The following EMC2 variants were observed in gnomAD, a reference collection of about 807,000 sequenced individuals.
The protein encoded by EMC2 is TPR repeat protein 35.
EMC2 carries 37 observed loss-of-function variants against 51.6 expected under a neutral mutation model. The observed-to-expected ratio is 0.72, with a 90% confidence interval of 0.55 to 0.94. EMC2 has a LOEUF of 0.94. Ranked by LOEUF, EMC2 falls within the 40% of genes least tolerant of loss-of-function variation. EMC2 has a pLI of 0.00. For missense variants in EMC2, 359 were observed against 350.9 expected (o/e 1.02, Z -0.18); for synonymous variants, 131 against 112.4 (o/e 1.17, Z -1.04).
chr8:108,478,242 A>G (rs1810981672), intron 9 of EMC2, among the ~76,000 whole-genome samples: 1 of 152,062 alleles, frequency 6.6e-6, no homozygotes, highest in Non-Finnish European at 1.5e-5. Flanking sequence ...GAATCAAGTT[A>G]TATCTTACTC....
Position 108,455,923 on chromosome 8 carries a change from C to A in EMC2, c.356C>A (p.Thr119Asn). The part of the protein sequence containing the change: ...LYDRILQEDP[T>N]NTAARKRKIA... ...GATAGGATTTTACAAGAAGATCCAA[C>A]TAACACTGTAAGTTGGCAGATTGTC... Residue 119 changes from threonine (T) to asparagine (N), a missense_variant, in exon 5 of 11, where the codon ACT becomes AAT. By Grantham distance (65) the Thr-to-Asn change is moderately conservative. Transcript: ENST00000220853. 7.4e-7 allele frequency: 1 copy of A among 1,356,260 alleles called. No individual in the cohort carries two copies. Among genetic ancestry groups the A allele is most frequent in the African/African-American group, 1.5e-5 (1 of 65,862 alleles). The allele number at this position is 1,356,260 out of a possible 1,614,324, so 84.0% of individuals were successfully genotyped here. A position where few individuals can be genotyped will look rare whatever the true frequency, so the allele number is the denominator to read the frequency against.
In EMC2 at chr8:108,471,976, A is replaced by C. The variant is rs575065323; in HGVS notation, c.509+1855A>C. ...AATCTTTACAAGTTTGATAGGTGAA[A>C]TTGGTTCTACCTTTTTAGTTCATTT... On this transcript the variant is annotated intron_variant, in intron 7 of 10. Coordinates refer to ENST00000220853, the MANE Select transcript of EMC2 (RefSeq NM_014673.5). 5.9e-5 allele frequency among the ~76,000 whole-genome samples: 9 copies of C among 152,102 alleles called. No individual in the cohort carries two copies. In the South Asian group the frequency reaches 1.2e-3, roughly 21 times the overall value.
At chr8:108,480,481 T>C (rs1297839565) in intron 10 of EMC2, among the ~76,000 whole-genome samples, 1 of 152,146 alleles carries the variant, frequency 6.6e-6, no homozygotes, top group African/African-American at 2.4e-5. Flanking sequence ...GAACTGAGTA[T>C]GAATGGCCAG....
At chr8:108,479,233 ATGTGT>A in intron 10 of EMC2, 123 bp downstream of exon 10, 3 of 419,346 alleles carry the variant, frequency 7.2e-6, no homozygotes, top group Non-Finnish European at 8.4e-6. Flanking sequence ...GCTTTATCAA[ATGTGT>A]TGTGTTTTGA....
chr8:108,462,795 G>A (rs1216779108), intron 5 of EMC2, among the ~76,000 whole-genome samples: 1 of 151,734 alleles, frequency 6.6e-6, no homozygotes, highest in African/African-American at 2.4e-5. Flanking sequence ...GGAGTGCAGT[G>A]GTGCAATCTC....
chr8:108,448,689 G>A (rs1436580707), intron 1 of EMC2, among the ~76,000 whole-genome samples: 2 of 152,058 alleles, frequency 1.3e-5, no homozygotes, highest in African/African-American at 4.8e-5. Flanking sequence ...GCCCAGTCTC[G>A]GGTACGTCTT....
chr8:108,477,304 A>T (rs904174233), intron 9 of EMC2, among the ~76,000 whole-genome samples: 3 of 152,028 alleles, frequency 2.0e-5, no homozygotes, highest in African/African-American at 7.2e-5. Context: ...CATCAAATTA[A>T]AACATTTTTT....
chr8:108,450,841 T>A (rs1472029103), intron 3 of EMC2, among the ~76,000 whole-genome samples: 2 of 152,222 alleles, frequency 1.3e-5, no homozygotes, highest in African/African-American at 4.8e-5. Flanking sequence ...TGTTCAATAC[T>A]GTTACACAAT....
chr8:108,474,055 A>C (rs1810905467), intron 7 of EMC2: 1 of 152,030 alleles, frequency 6.6e-6, no homozygotes, highest in African/African-American at 2.4e-5. Flanking sequence ...ATTTTATTTA[A>C]TTCTATATTT....
intron 1 of EMC2, chr8:108,446,208 A>C (rs973383494): frequency 1.7e-4 from 62 of 356,526 alleles, no homozygotes; most frequent in Non-Finnish European, 2.7e-4. Context: ...ATATTAGTTG[A>C]GTGATGAAGA....
Position 108,459,133 on chromosome 8 carries a change from C to T in EMC2, c.363+3203C>T, listed in dbSNP as rs933639898. Among the ~76,000 whole-genome samples the T allele has an allele frequency of 3.9e-5, 6 of 152,308 alleles. No individual in the cohort carries two copies. In the East Asian group the frequency reaches 7.7e-4, roughly 20 times the overall value. ...TCCTCATCTCCATCTGAGACCACCT[C>T]GGCCTGAATTTCATTGTCCGTATCA... is the stretch of plus-strand genomic sequence containing the variant. On this transcript the variant is annotated intron_variant, in intron 5 of 10. Coordinates refer to ENST00000220853, the MANE Select transcript of EMC2 (RefSeq NM_014673.5).
At chr8:108,453,419 A>C (rs1245010474) in intron 4 of EMC2, among the ~76,000 whole-genome samples, 1 of 152,108 alleles carries the variant, frequency 6.6e-6, no homozygotes, top group African/African-American at 2.4e-5. Flanking sequence ...GGAGGTCTTT[A>C]TATATTCTGG....
chr8:108,446,602 C>G (rs570706258), intron 1 of EMC2, among the ~76,000 whole-genome samples: 13 of 152,136 alleles, frequency 8.5e-5, no homozygotes, highest in African/African-American at 3.1e-4. Context: ...GTAGTATTAA[C>G]AGAAGGTGGA....
intron 10 of EMC2, among the ~76,000 whole-genome samples, chr8:108,484,465 G>A (rs1811100319): frequency 6.6e-6 from 1 of 151,924 alleles, no homozygotes; most frequent in Non-Finnish European, 1.5e-5. Context: ...CATCTCAGTT[G>A]ACTCTTTAAA....
Position 108,473,345 on chromosome 8 carries a change from G to T in EMC2, c.510-2537G>T, listed in dbSNP as rs139533113. 2.0e-3 allele frequency among the ~76,000 whole-genome samples: 304 copies of T among 152,098 alleles called. 1 individual carries two copies. Among genetic ancestry groups the T allele is most frequent in the African/African-American group, 6.8e-3 (284 of 41,514 alleles). On this transcript the variant is annotated intron_variant, in intron 7 of 10. Coordinates refer to ENST00000220853, the MANE Select transcript of EMC2 (RefSeq NM_014673.5). ...AATACTCCAAAATCTGAAACTTTGA[G>T]TGCCAACATGATGCTCAAAGGAAAT...
chr8:108,467,788 G>A (rs1389824818), intron 5 of EMC2, among the ~76,000 whole-genome samples: 2 of 152,098 alleles, frequency 1.3e-5, no homozygotes, highest in African/African-American at 4.8e-5. Context: ...ATTGGGACAA[G>A]ATATAAATAT....
chr8:108,488,795 A>G lies in EMC2; in HGVS notation c.*2197A>G, dbSNP rs569205131. On this transcript the variant is annotated 3_prime_UTR_variant, in exon 11 of 11. Transcript: ENST00000220853. Reference sequence around the variant, plus strand: ...GAACTTTTTGCAGTGAAGGAAATCAACCATCCATTCTGTCTCTCTATTGTG... The same window carrying G: ...GAACTTTTTGCAGTGAAGGAAATCAGCCATCCATTCTGTCTCTCTATTGTG... Among the ~76,000 whole-genome samples, 4 of 152,300 alleles carry G rather than the reference A, an allele frequency of 2.6e-5. No homozygotes were observed. Among genetic ancestry groups the G allele is most frequent in the East Asian group, 3.9e-4 (2 of 5,178 alleles).
intron 8 of EMC2, 71 bp downstream of exon 8, chr8:108,476,034 A>G (rs1040838220): frequency 1.3e-6 from 1 of 792,858 alleles, no homozygotes; most frequent in African/African-American, 1.8e-5. Context: ...GGAACTAAGA[A>G]TATTTCCTTG....
intron 4 of EMC2, among the ~76,000 whole-genome samples, chr8:108,455,419 T>C (rs1199003793): frequency 6.6e-6 from 1 of 152,204 alleles, no homozygotes; most frequent in Non-Finnish European, 1.5e-5. Context: ...TTTTAGAGTT[T>C]CCATCTCTGT....
Sources: allele counts gnomAD v4.1 joint callset (sites outside exome capture counted in the v4.1 genomes callset), GRCh38; gene constraint gnomAD v4.1.1; transcripts MANE v1.5; gene names NCBI Gene and HGNC (gene_info 2026-07-23, HGNC 2026-07-21).